TFDP1: variants seen among roughly 807,000 people sequenced by gnomAD.
The protein encoded by TFDP1 is transcription factor Dp-1, also known as DRTF1-polypeptide 1.
TFDP1 carries 6 observed loss-of-function variants against 48.0 expected under a neutral mutation model. That is an observed-to-expected ratio of 0.13 (90% CI 0.07 to 0.25). The LOEUF is 0.25. TFDP1 is among the 10% of genes least tolerant of loss of function. The pLI, the probability that TFDP1 is intolerant of heterozygous loss-of-function variation, is 1.00. For synonymous variants in TFDP1, 201 were observed against 211.6 expected (o/e 0.95, Z 0.44); for missense variants, 335 against 543.0 (o/e 0.62, Z 3.81).
intron 2 of TFDP1, among the ~76,000 whole-genome samples, chr13:113,590,646 A>C (rs1052968348): frequency 6.6e-6 from 1 of 152,106 alleles, no homozygotes; most frequent in African/African-American, 2.4e-5. Flanking sequence ...GAGTCTTTTC[A>C]TATTTCAGGA....
At chr13:113,585,447 C>G (rs1017381489) in intron 1 of TFDP1, 1 of 171,012 alleles carries the variant, frequency 5.8e-6, no homozygotes, top group African/African-American at 2.4e-5. Context: ...GGGGCACCCC[C>G]CTGCAGCGGC....
chr13:113,640,243 C>T lies in TFDP1; in HGVS notation c.1209C>T (p.Phe403=). 3 of 1,613,168 alleles carry T rather than the reference C, an allele frequency of 1.9e-6. No homozygotes were observed. Among genetic ancestry groups the T allele is most frequent in the Non-Finnish European group, 2.5e-6 (3 of 1,179,632 alleles). Residue 403 remains phenylalanine (F), a synonymous_variant, in exon 12 of 12, where the codon TTC becomes TTT. Coordinates refer to ENST00000375370, the MANE Select transcript of TFDP1 (RefSeq NM_007111.5). The stretch of plus-strand genomic sequence containing the variant: ...AGGACGACGAGGAGGACGATGACTT[C>T]AACGAGAATGACGAGGACGACTGAC... ...VGEDDEEDDD[F]NENDEDD is the part of the protein sequence containing the mutation.
At chr13:113,634,388 C>G (rs1208517819) in intron 7 of TFDP1, 146 bp from the exon 8 acceptor site, 1 of 709,042 alleles carries the variant, frequency 1.4e-6, no homozygotes, top group East Asian at 2.5e-5. Context: ...CTTGTAGCAC[C>G]TGCTATGTCT....
chr13:113,591,777 A>C (rs2048152546), intron 2 of TFDP1, among the ~76,000 whole-genome samples: 1 of 152,192 alleles, frequency 6.6e-6, no homozygotes, highest in African/African-American at 2.4e-5. Context: ...GGCTTAGACT[A>C]CGTGTGGGGA....
intron 2 of TFDP1, among the ~76,000 whole-genome samples, chr13:113,608,551 C>G (rs2048626859): frequency 6.6e-6 from 1 of 152,230 alleles, no homozygotes; most frequent in South Asian, 2.1e-4. Flanking sequence ...GATGCTCGAG[C>G]TGGGCCCAAG....
In TFDP1 at chr13:113,633,922, C is replaced by G; in HGVS notation, c.507C>G (p.Val169=). The change falls in exon 7 of 12, where the codon GTC becomes GTG. Residue 169 remains valine, a synonymous_variant. Transcript: ENST00000375370. This position sits in a 1 kb window ranked among gnomAD's most constrained non-coding sequence, Gnocchi z 4.5. ...ACCAGAAAAACATAAGACGGCGCGT[C>G]TACGATGCCTTAAACGTGCTAATGG... ...AYDQKNIRRR[V]YDALNVLMAM... 1 of 1,614,064 alleles carries G rather than the reference C, an allele frequency of 6.2e-7. No individual in the cohort carries two copies. Among genetic ancestry groups the G allele is most frequent in the Non-Finnish European group, 8.5e-7 (1 of 1,179,980 alleles).
chr13:113,624,757 C>G (rs1947408264), intron 4 of TFDP1, among the ~76,000 whole-genome samples: 2 of 147,184 alleles, frequency 1.4e-5, no homozygotes, highest in Non-Finnish European at 1.5e-5. Flanking sequence ...CAGGATATCT[C>G]TCACATGTCC....
chr13:113,613,665 G>C (rs2048769955), intron 3 of TFDP1, among the ~76,000 whole-genome samples: 1 of 150,080 alleles, frequency 6.7e-6, no homozygotes, highest in South Asian at 2.1e-4. Context: ...GCGTGGGTAT[G>C]AGTGTGTGTG....
chr13:113,636,519 G>A lies in TFDP1; in HGVS notation c.840-15G>A, dbSNP rs768365446. ...TGGGAGACCCTGTCTTTCTGACTGT[G>A]CCTTTCCCCTTCAGATTTGAGTATC... On this transcript the variant is annotated splice_polypyrimidine_tract_variant and intron_variant, in intron 9 of 11. Coordinates refer to ENST00000375370, the MANE Select transcript of TFDP1 (RefSeq NM_007111.5). 6 of 1,612,478 alleles carry A rather than the reference G, an allele frequency of 3.7e-6. No individual in the cohort carries two copies. Among genetic ancestry groups the A allele is most frequent in the African/African-American group, 1.3e-5 (1 of 74,926 alleles).
chr13:113,632,805 A>C (rs2049372872), intron 5 of TFDP1, among the ~76,000 whole-genome samples: 1 of 152,196 alleles, frequency 6.6e-6, no homozygotes, highest in South Asian at 2.1e-4. Flanking sequence ...CAAAAAGAAA[A>C]GTGGTGCTTG....
At chr13:113,640,097 G>A (rs779211422) in intron 11 of TFDP1, 23 bp from the exon 12 acceptor site, 19 of 1,562,616 alleles carry the variant, frequency 1.2e-5, no homozygotes, top group South Asian at 2.4e-5. Context: ...CACTGACGGC[G>A]CCATCCGCCT....
chr13:113,591,835 G>A (rs1358040736), intron 2 of TFDP1, among the ~76,000 whole-genome samples: 2 of 152,178 alleles, frequency 1.3e-5, no homozygotes, highest in Non-Finnish European at 2.9e-5. Flanking sequence ...TGAATTAGAG[G>A]CTGAATTAGG....
chr13:113,631,651 C>T lies in TFDP1; in HGVS notation c.215C>T (p.Ala72Val), dbSNP rs756170912. The T allele has an allele frequency of 6.2e-6, 10 of 1,614,114 alleles. No homozygotes were observed. The highest frequency in any genetic ancestry group is 2.2e-5 in the East Asian group (1 of 44,864). Reference protein sequence around the residue: ...VVIGTPQRPAASNTLVVGSPH... With the variant: ...VVIGTPQRPAVSNTLVVGSPH... ...ATTGGTACGCCTCAGAGACCGGCAG[C>T]GTCAAACACCCTGGTGGTAGGAAGC... Residue 72 changes from alanine to valine, a missense_variant, in exon 5 of 12, where the codon GCG becomes GTG. By Grantham distance (64) the Ala-to-Val change is moderately conservative. This residue lies in a region of TFDP1 where 103 missense variants were observed against 140.4 expected (regional missense o/e 0.73). Coordinates refer to ENST00000375370, the MANE Select transcript of TFDP1 (RefSeq NM_007111.5).
intron 2 of TFDP1, among the ~76,000 whole-genome samples, chr13:113,600,853 G>A (rs965638009): frequency 1.4e-5 from 2 of 142,334 alleles, no homozygotes; most frequent in Non-Finnish European, 3.0e-5. Context: ...CTCCAGGACC[G>A]TGATAGAGAA....
intron 8 of TFDP1, 87 bp from the exon 9 acceptor site, chr13:113,635,890 C>A: frequency 6.9e-7 from 1 of 1,458,282 alleles, no homozygotes; most frequent in Non-Finnish European, 9.3e-7. Context: ...GTCACGTGGA[C>A]GCAGGGAGGG....
At chr13:113,638,028 C>T in intron 11 of TFDP1, 132 bp downstream of exon 11, 1 of 1,235,368 alleles carries the variant, frequency 8.1e-7, no homozygotes, top group East Asian at 2.4e-5. Flanking sequence ...TCTGTCCAGG[C>T]AGTGGGGCCC....
chr13:113,586,804 C>T (rs1594388272), intron 2 of TFDP1, among the ~76,000 whole-genome samples: 2 of 152,200 alleles, frequency 1.3e-5, no homozygotes, highest in Non-Finnish European at 2.9e-5. Context: ...GCACTGGGGT[C>T]CCCTTTAGAG....
intron 2 of TFDP1, among the ~76,000 whole-genome samples, chr13:113,590,194 T>C (rs11838664): frequency 0.088 from 13,401 of 152,192 alleles, 1,708 homozygotes; most frequent in African/African-American, 0.28. Context: ...CACTGCCCGG[T>C]ATTCACGTGC....
chr13:113,624,393 ATC>A (rs1317883242), intron 4 of TFDP1, among the ~76,000 whole-genome samples: 1 of 136,210 alleles, frequency 7.3e-6, no homozygotes, highest in Non-Finnish European at 1.6e-5. Context: ...GTCCCCAAGT[ATC>A]TCTCAGGCAT....
Sources: allele counts gnomAD v4.1 joint callset (sites outside exome capture counted in the v4.1 genomes callset), GRCh38; gene constraint gnomAD v4.1.1; regional missense constraint gnomAD v4.1.1; non-coding constraint Gnocchi (gnomAD v3.1); transcripts MANE v1.5; gene names NCBI Gene and HGNC (gene_info 2026-07-23, HGNC 2026-07-21).